Variants in CREM observed in about 807,000 individuals in gnomAD.
CREM encodes cAMP responsive element modulator.
Under a neutral mutation model 37.3 loss-of-function variants are expected in CREM, and 13 were observed. The ratio of observed to expected loss-of-function variants is 0.35; its 90% CI spans 0.23 to 0.55. The LOEUF (loss-of-function observed/expected upper bound fraction) is 0.55. Ranked by LOEUF, CREM falls within the 20% of genes least tolerant of loss-of-function variation. The pLI, the probability that CREM is intolerant of heterozygous loss-of-function variation, is 0.88. For synonymous variants in CREM, 124 were observed against 120.2 expected (o/e 1.03, Z -0.21); for missense variants, 296 against 362.3 (o/e 0.82, Z 1.49).
At chr10:35,163,398 A>G (rs2093388017) in intron 3 of CREM, among the ~76,000 whole-genome samples, 2 of 151,974 alleles carry the variant, frequency 1.3e-5, no homozygotes. Context: ...CATACATAAA[A>G]AGAGGCCAGG....
At chr10:35,158,034 G>A (rs2093025905) in intron 3 of CREM, among the ~76,000 whole-genome samples, 1 of 152,098 alleles carries the variant, frequency 6.6e-6, no homozygotes, top group South Asian at 2.1e-4. Context: ...GCAAGGAGGT[G>A]AAATATCTGT....
chr10:35,149,513 T>C (rs1033920290), intron 3 of CREM, among the ~76,000 whole-genome samples: 1 of 152,068 alleles, frequency 6.6e-6, no homozygotes, highest in Non-Finnish European at 1.5e-5. Context: ...CTAGTAGCCA[T>C]GTGGAGGTGG....
chr10:35,159,069 A>G (rs1351574297), intron 3 of CREM, among the ~76,000 whole-genome samples: 1 of 152,148 alleles, frequency 6.6e-6, no homozygotes, highest in Non-Finnish European at 1.5e-5. Flanking sequence ...AAAAAGTAGT[A>G]AATAGTTATT....
chr10:35,158,510 G>A, intron 3 of CREM: 1 of 200,696 alleles, frequency 5.0e-6, no homozygotes. Flanking sequence ...GGAGAAGGAG[G>A]CCCAGGAGAA....
chr10:35,152,783 GTACAA>G (rs137973472), intron 3 of CREM, among the ~76,000 whole-genome samples: 22,844 of 152,022 alleles, frequency 0.15, 1,900 homozygotes, highest in East Asian at 0.23. Flanking sequence ...AATATTGTAT[GTACAA>G]TACAAGTAGT....
chr10:35,211,562 C>A lies in CREM; in HGVS notation c.*164C>A. Reference sequence around the variant, plus strand: ...GAATGTTGTTCCAGGATGTGGAATGCAGCCGTGATCACACTTACCGAGCTT... The same window carrying A: ...GAATGTTGTTCCAGGATGTGGAATGAAGCCGTGATCACACTTACCGAGCTT... On this transcript the variant is annotated 3_prime_UTR_variant, in exon 8 of 8. Transcript: ENST00000685392. 4 of 1,513,174 alleles carry A rather than the reference C, an allele frequency of 2.6e-6. No individual in the cohort carries two copies. Among genetic ancestry groups the A allele is most frequent in the South Asian group, 1.3e-5 (1 of 78,102 alleles). The allele number at this position is 1,513,174 out of a possible 1,614,324, so 93.7% of individuals were successfully genotyped here. A position where few individuals can be genotyped will look rare whatever the true frequency, so the allele number is the denominator to read the frequency against.
chr10:35,141,111 G>C (rs757610123), intron 2 of CREM, among the ~76,000 whole-genome samples: 1 of 152,126 alleles, frequency 6.6e-6, no homozygotes, highest in Non-Finnish European at 1.5e-5. Context: ...TCTAAAAGAA[G>C]AACTAATTAT....
rs1362663365 is a variant in CREM at position 35,180,216 on chromosome 10, C to T, written c.409+940C>T. Among the ~76,000 whole-genome samples, 10 of 152,168 alleles carry T rather than the reference C, an allele frequency of 6.6e-5. 1 individual carries two copies. The East Asian group carries it at 1.9e-3, about 29-fold the overall frequency. On this transcript the variant is annotated intron_variant, in intron 5 of 7. Transcript: ENST00000685392. ...GAGATTCATAATTTTAGTTTTCTGA[C>T]TTTAAAAAGAGCTACTTAGGTACTG...
intron 6 of CREM, among the ~76,000 whole-genome samples, chr10:35,201,764 A>C (rs2095392086): frequency 6.6e-6 from 1 of 152,218 alleles, no homozygotes. Flanking sequence ...TTTAAGAAAT[A>C]ATGCCTTTTA....
At position 35,158,798 on chromosome 10, in the gene CREM, G is replaced by GT. The variant is rs543961468; in HGVS notation, c.168+10317dup. On this transcript the variant is annotated intron_variant, in intron 3 of 7. Transcript: ENST00000685392. ...CTTTTTGGAGAGTAGCAAATATAGTGTTTTTTTTTTGTTGTTTTGTTTGTT... is the reference window on the plus strand; with the variant it reads ...CTTTTTGGAGAGTAGCAAATATAGTGTTTTTTTTTTTGTTGTTTTGTTTGTT... Among the ~76,000 whole-genome samples the GT allele has an allele frequency of 8.4e-3, 846 of 100,770 alleles. 7 individuals are homozygous for GT. The highest frequency in any genetic ancestry group is 0.054 in the South Asian group (152 of 2,838). The allele number at this position is 100,770 out of a possible 152,430, so 66.1% of individuals were successfully genotyped here.
At position 35,134,038 on chromosome 10, in the gene CREM, G is replaced by A. The variant is rs2089963833; in HGVS notation, c.-54-3744G>A. Among the ~76,000 whole-genome samples, 6 of 151,098 alleles carry A rather than the reference G, an allele frequency of 4.0e-5. No homozygotes were observed. In the South Asian group the frequency reaches 1.3e-3, roughly 32 times the overall value. On this transcript the variant is annotated intron_variant, in intron 1 of 7. Transcript: ENST00000685392. ...ACATTAAGGTATTAATTTAACCACA[G>A]CAGGTAAAAGTTTTTTGTTTTTTTT... is the stretch of plus-strand genomic sequence containing the variant.
intron 3 of CREM, among the ~76,000 whole-genome samples, chr10:35,150,565 T>C (rs1300468446): frequency 6.6e-6 from 1 of 152,186 alleles, no homozygotes; most frequent in Non-Finnish European, 1.5e-5. Flanking sequence ...CTCATATCTG[T>C]AATCCCAGTA....
chr10:35,133,627 G>A (rs1026125684), intron 1 of CREM, among the ~76,000 whole-genome samples: 5 of 152,212 alleles, frequency 3.3e-5, no homozygotes, highest in Non-Finnish European at 5.9e-5. Flanking sequence ...AGCAGAAAAA[G>A]CAAAACTGTG....
intron 3 of CREM, among the ~76,000 whole-genome samples, chr10:35,174,359 T>G (rs933659314): frequency 6.6e-6 from 1 of 152,214 alleles, no homozygotes; most frequent in Non-Finnish European, 1.5e-5. Context: ...GCTAGTTTTA[T>G]TAATTCTATT....
At chr10:35,208,869 C>T (rs919655629) in intron 7 of CREM, among the ~76,000 whole-genome samples, 4 of 152,216 alleles carry the variant, frequency 2.6e-5, no homozygotes, top group Non-Finnish European at 1.5e-5. Flanking sequence ...AGTTTCAGAG[C>T]AAGACAAGAG....
At position 35,159,260 on chromosome 10, in the gene CREM, C is replaced by G. The variant is rs149732810; in HGVS notation, c.168+10769C>G. 1.5e-4 allele frequency among the ~76,000 whole-genome samples: 23 copies of G among 151,836 alleles called. No homozygotes were observed. In the East Asian group the frequency reaches 3.7e-3, roughly 24 times the overall value. ...TATGATAATCATTTGAAAGTCAAGA[C>G]TCTTTGTCATGCAGGAAAAAAAAAA... On this transcript the variant is annotated intron_variant, in intron 3 of 7. Transcript: ENST00000685392.
chr10:35,173,010 C>G (rs1589880723), intron 3 of CREM, among the ~76,000 whole-genome samples: 1 of 152,162 alleles, frequency 6.6e-6, no homozygotes, highest in East Asian at 1.9e-4. Flanking sequence ...TCATAGTTTT[C>G]TGATCAAACT....
rs572937880 is a variant in CREM at position 35,136,490 on chromosome 10, T to G, written c.-54-1292T>G. On this transcript the variant is annotated intron_variant, in intron 1 of 7. Transcript: ENST00000685392. Reference sequence around the variant, plus strand: ...AGAATGGCATCAGTTCTGCTTTTTGTTCCTCTTGTGAGGAGCCTGTTCAAA... The same window carrying G: ...AGAATGGCATCAGTTCTGCTTTTTGGTCCTCTTGTGAGGAGCCTGTTCAAA... Among the ~76,000 whole-genome samples, 366 of 152,322 alleles carry G rather than the reference T, an allele frequency of 2.4e-3. 5 individuals are homozygous for G. The highest frequency in any genetic ancestry group is 7.1e-4 in the Non-Finnish European group (48 of 68,032).
intron 3 of CREM, among the ~76,000 whole-genome samples, chr10:35,153,094 T>G (rs1229837097): frequency 6.6e-6 from 1 of 151,844 alleles, no homozygotes; most frequent in East Asian, 1.9e-4. Flanking sequence ...CAACAAAAAT[T>G]TTTGCCAGGT....
Sources: gnomAD v4.1 joint callset for allele counts (sites outside exome capture counted in the v4.1 genomes callset) on GRCh38, gnomAD v4.1.1 for gene constraint, MANE v1.5 for transcripts, NCBI Gene and HGNC (gene_info 2026-07-23, HGNC 2026-07-21) for gene names.